Variants in DOCK4 observed in about 807,000 individuals in gnomAD.
The protein encoded by DOCK4 is dedicator of cytokinesis 4.
In DOCK4, 97 loss-of-function variants were observed where a neutral mutation model predicts 268.1. That is an observed-to-expected ratio of 0.36 (90% CI 0.31 to 0.43). The LOEUF is 0.43. DOCK4 is among the 20% of genes least tolerant of loss of function. DOCK4 has a pLI of 1.00. For synonymous variants in DOCK4, 954 were observed against 887.2 expected (o/e 1.08, Z -1.34); for missense variants, 2,145 against 2,455.7 (o/e 0.87, Z 2.67).
At chr7:111,797,110 C>T (rs1799953338) in intron 30 of DOCK4, among the ~76,000 whole-genome samples, 1 of 152,156 alleles carries the variant, frequency 6.6e-6, no homozygotes, top group African/African-American at 2.4e-5. Flanking sequence ...CTCTAAAACA[C>T]CAGAACTTCC....
At chr7:111,776,229 A>G (rs1798436093) in intron 36 of DOCK4, among the ~76,000 whole-genome samples, 1 of 152,230 alleles carries the variant, frequency 6.6e-6, no homozygotes, top group Non-Finnish European at 1.5e-5. Context: ...TTTGATGCAG[A>G]TGTTAGAATT....
chr7:111,983,173 A>T (rs1798740442), intron 7 of DOCK4, among the ~76,000 whole-genome samples: 1 of 152,080 alleles, frequency 6.6e-6, no homozygotes, highest in Admixed American at 6.5e-5. Context: ...TCTGAACATC[A>T]ATTTGATGAT....
At chr7:112,056,323 T>C (rs2135574061) in intron 1 of DOCK4, among the ~76,000 whole-genome samples, 2 of 152,308 alleles carry the variant, frequency 1.3e-5, no homozygotes, top group South Asian at 4.1e-4. Context: ...GAGAACATAT[T>C]AAAATTTCTC....
intron 1 of DOCK4, among the ~76,000 whole-genome samples, chr7:112,196,046 G>A (rs1399043650): frequency 3.3e-5 from 5 of 152,216 alleles, no homozygotes; most frequent in Admixed American, 6.5e-5. Flanking sequence ...CCATGTTTTC[G>A]TTCATTGCTA....
At chr7:111,989,189 T>C (rs1187091665) in intron 5 of DOCK4, 26 bp from the exon 6 acceptor site, 1 of 1,613,174 alleles carries the variant, frequency 6.2e-7, no homozygotes, top group Non-Finnish European at 8.5e-7. Flanking sequence ...ATGTGGAGAT[T>C]TGGCAGTCAG....
At chr7:111,838,621 C>T (rs1174467014) in intron 25 of DOCK4, among the ~76,000 whole-genome samples, 1 of 152,014 alleles carries the variant, frequency 6.6e-6, no homozygotes, top group Non-Finnish European at 1.5e-5. Flanking sequence ...TGATTCCATT[C>T]ATATCAAATT....
chr7:111,952,122 G>T (rs916613198), intron 8 of DOCK4, among the ~76,000 whole-genome samples: 2 of 149,106 alleles, frequency 1.3e-5, no homozygotes, highest in African/African-American at 2.5e-5. Context: ...CCAAATAAAT[G>T]AATAAACAAA....
At position 111,728,643 on chromosome 7, in the gene DOCK4, C is replaced by A; in HGVS notation, c.5559G>T (p.Ser1853=). 1 of 1,613,956 alleles carries A rather than the reference C, an allele frequency of 6.2e-7. No homozygotes were observed. The highest frequency in any genetic ancestry group is 8.5e-7 in the Non-Finnish European group (1 of 1,179,890). Residue 1853 remains serine (S), a synonymous_variant, in exon 53 of 53, where the codon TCG becomes TCT. Coordinates refer to ENST00000428084, the MANE Select transcript of DOCK4 (RefSeq NM_001363540.2). ...PGLISNSPVL[S]GSYSSGISSL... The stretch of plus-strand genomic sequence containing the variant: ...AAGAAATCCCACTGCTGTAGCTGCC[C>A]GACAAGACAGGGGAGTTGGAGATGA...
chr7:112,033,504 C>G (rs915018715), intron 1 of DOCK4, among the ~76,000 whole-genome samples: 13 of 152,206 alleles, frequency 8.5e-5, no homozygotes, highest in Non-Finnish European at 1.5e-4. Context: ...AAATTACTTT[C>G]TGAATTTTAT....
At chr7:112,029,991 T>C (rs1394367679) in intron 1 of DOCK4, among the ~76,000 whole-genome samples, 1 of 152,218 alleles carries the variant, frequency 6.6e-6, no homozygotes, top group African/African-American at 2.4e-5. Context: ...GCTTTCTTAA[T>C]AGAAGCAAAG....
chr7:111,900,509 GCTCCCCA>G lies in DOCK4; in HGVS notation c.1338_1344del (p.Gly447HisfsTer23). 6.2e-7 allele frequency: 1 copy of G among 1,611,924 alleles called. No individual in the cohort carries two copies. Among genetic ancestry groups the G allele is most frequent in the Non-Finnish European group, 8.5e-7 (1 of 1,179,068 alleles). ...AAGGAGTGGTACTCACTGGCTGGTG[GCTCCCCA>G]GAGCCGAAGGAGATAAAATCCTAAC... is the stretch of plus-strand genomic sequence containing the variant. On this transcript the variant is annotated frameshift_variant, in exon 15 of 53. Transcript: ENST00000428084. LOFTEE classifies it high-confidence loss of function.
intron 1 of DOCK4, among the ~76,000 whole-genome samples, chr7:112,009,227 A>G (rs1801097674): frequency 6.6e-6 from 1 of 152,168 alleles, no homozygotes. Flanking sequence ...TTTGTGATAC[A>G]AAGGAAGGAA....
At chr7:111,812,029 G>T in intron 27 of DOCK4, 80 bp from the exon 28 acceptor site, 1 of 742,542 alleles carries the variant, frequency 1.3e-6, no homozygotes, top group Non-Finnish European at 2.1e-6. Context: ...AACCTACTAA[G>T]ATAAAATAAA....
chr7:112,190,475 C>G (rs369391841), intron 1 of DOCK4, among the ~76,000 whole-genome samples: 1 of 152,140 alleles, frequency 6.6e-6, no homozygotes, highest in African/African-American at 2.4e-5. Flanking sequence ...ATGGTCAGCC[C>G]AGGAAGCATT....
At chr7:111,869,374 G>A in intron 21 of DOCK4, 200 bp downstream of exon 21, 1 of 534,150 alleles carries the variant, frequency 1.9e-6, no homozygotes. Context: ...ATCCTGAACA[G>A]TTTCCAGTAG....
At chr7:111,868,232 C>G in intron 21 of DOCK4, 78 bp from the exon 22 acceptor site, 1 of 1,112,410 alleles carries the variant, frequency 9.0e-7, no homozygotes, top group Non-Finnish European at 1.3e-6. Context: ...GCATAAAAAC[C>G]ATGGTATGGC....
chr7:112,200,045 C>A (rs896691245), intron 1 of DOCK4, among the ~76,000 whole-genome samples: 3 of 152,170 alleles, frequency 2.0e-5, no homozygotes, highest in Non-Finnish European at 2.9e-5. Context: ...ACAATAACCA[C>A]CACCACCATC....
At chr7:111,868,334 T>G (rs1259438925) in intron 21 of DOCK4, among the ~76,000 whole-genome samples, 180 bp from the exon 22 acceptor site, 1 of 152,212 alleles carries the variant, frequency 6.6e-6, no homozygotes, top group Non-Finnish European at 1.5e-5. Context: ...CACTTTTCTC[T>G]GATGCCTAAT....
chr7:111,738,438 ATGC>A (rs1441441291), intron 49 of DOCK4, among the ~76,000 whole-genome samples: 1 of 152,238 alleles, frequency 6.6e-6, no homozygotes, highest in Non-Finnish European at 1.5e-5. Context: ...GGGCAGGAGA[ATGC>A]TTCTCTTCAA....
Sources: allele counts gnomAD v4.1 joint callset (sites outside exome capture counted in the v4.1 genomes callset), GRCh38; gene constraint gnomAD v4.1.1; transcripts MANE v1.5; gene names NCBI Gene and HGNC (gene_info 2026-07-23, HGNC 2026-07-21).